The following KATNA1 variants were observed in gnomAD, a reference collection of about 807,000 sequenced individuals.
KATNA1 encodes katanin p60 ATPase-containing subunit A1.
In KATNA1, 42 loss-of-function variants were observed where a neutral mutation model predicts 62.6. That is an observed-to-expected ratio of 0.67 (90% CI 0.52 to 0.87). The LOEUF (loss-of-function observed/expected upper bound fraction) is 0.87. Among genes scored for constraint, KATNA1 ranks in the 40% least tolerant of loss-of-function variants. The pLI, the probability that KATNA1 is intolerant of heterozygous loss-of-function variation, is 0.00. For synonymous variants in KATNA1, 186 were observed against 201.9 expected (o/e 0.92, Z 0.67); for missense variants, 498 against 612.5 (o/e 0.81, Z 1.97).
At position 149,640,545 on chromosome 6, in the gene KATNA1, T is replaced by G. The variant is rs558861133; in HGVS notation, c.-13-1985A>C. Among the ~76,000 whole-genome samples, 205 of 152,068 alleles carry G rather than the reference T, an allele frequency of 1.3e-3. 1 individual carries two copies. Among genetic ancestry groups the G allele is most frequent in the African/African-American group, 3.7e-3 (155 of 41,468 alleles). On this transcript the variant is annotated intron_variant, in intron 1 of 10. Coordinates refer to ENST00000367411, the MANE Select transcript of KATNA1 (RefSeq NM_007044.4). ...TGGTGGGGGTTTTTTTGGGTTTTTT[T>G]GGGTTTTGTTTTTGTTTTTTTGAGA...
intron 7 of KATNA1, 112 bp downstream of exon 7, chr6:149,601,482 T>C (rs1002623603): frequency 4.1e-5 from 37 of 893,968 alleles, no homozygotes; most frequent in Non-Finnish European, 6.2e-5. Flanking sequence ...GGACTCATAC[T>C]CTGGGCAAAA....
At chr6:149,648,732 G>C (rs955824260), upstream of KATNA1, 2 of 152,204 alleles carry the variant, frequency 1.3e-5, no homozygotes, top group African/African-American at 2.4e-5. Context: ...GCGGGGCGTC[G>C]CCCCGGGAGC....
At chr6:149,604,122 AAAT>A (rs1242849734) in intron 5 of KATNA1, among the ~76,000 whole-genome samples, 2 of 152,180 alleles carry the variant, frequency 1.3e-5, no homozygotes, top group Admixed American at 6.6e-5. Flanking sequence ...CTCTAAAAGA[AAAT>A]AAAAGCAACA....
chr6:149,628,076 A>G (rs1473249153), intron 3 of KATNA1, among the ~76,000 whole-genome samples: 3 of 151,782 alleles, frequency 2.0e-5, no homozygotes, highest in Non-Finnish European at 2.9e-5. Context: ...CCTTTTCTAT[A>G]TAAGGCTTTA....
rs190657293 is a variant in KATNA1, at chr6:149,631,138, G to A, written c.320+1621C>T. Among the ~76,000 whole-genome samples, 956 of 152,242 alleles carry A rather than the reference G, an allele frequency of 6.3e-3. 3 individuals are homozygous for A. Among genetic ancestry groups the A allele is most frequent in the Non-Finnish European group, 0.011 (739 of 68,014 alleles). On this transcript the variant is annotated intron_variant, in intron 3 of 10. Transcript: ENST00000367411. Reference sequence around the variant, plus strand: ...AACCAGGCCGGGTGTGGTGGCTCACGCCTGTAATCCCAGCACTTTAGGAGG... The same window carrying A: ...AACCAGGCCGGGTGTGGTGGCTCACACCTGTAATCCCAGCACTTTAGGAGG...
At chr6:149,634,192 G>A (rs1779968537) in intron 2 of KATNA1, among the ~76,000 whole-genome samples, 1 of 151,252 alleles carries the variant, frequency 6.6e-6, no homozygotes, top group Non-Finnish European at 1.5e-5. Flanking sequence ...ACAATCGCTT[G>A]AACCCAGGAG....
chr6:149,623,169 G>A lies in KATNA1; in HGVS notation c.435C>T (p.His145=), dbSNP rs539786823. The part of the protein sequence containing the change: ...RVHRSSAQNV[H]NDRGKAVRCR... Reference sequence around the variant, plus strand: ...AACGAACAGCTTTCCCTCTGTCATTGTGAACATTCTGTGCAGATGAACGGT... The same window carrying A: ...AACGAACAGCTTTCCCTCTGTCATTATGAACATTCTGTGCAGATGAACGGT... The change falls in exon 4 of 11, where the codon CAC becomes CAT. Residue 145 remains histidine, a synonymous_variant. Transcript: ENST00000367411. The A allele has an allele frequency of 1.2e-6, 2 of 1,612,806 alleles. No homozygotes were observed. The highest frequency in any genetic ancestry group is 2.2e-5 in the South Asian group (2 of 90,806).
At chr6:149,626,504 G>A (rs1469271056) in intron 3 of KATNA1, among the ~76,000 whole-genome samples, 4 of 147,266 alleles carry the variant, frequency 2.7e-5, no homozygotes, top group South Asian at 2.2e-4. Context: ...CCGTGGTCTC[G>A]ATCTCCTGAC....
chr6:149,603,882 A>G (rs1778640223), intron 5 of KATNA1, among the ~76,000 whole-genome samples: 1 of 152,212 alleles, frequency 6.6e-6, no homozygotes. Context: ...TAGAATACCT[A>G]CTACTACTGC....
chr6:149,606,410 C>T (rs1260683429), intron 4 of KATNA1, among the ~76,000 whole-genome samples: 1 of 151,988 alleles, frequency 6.6e-6, no homozygotes, highest in African/African-American at 2.4e-5. Context: ...AGATTGTTAC[C>T]CAATTCCCAT....
intron 4 of KATNA1, among the ~76,000 whole-genome samples, chr6:149,611,462 C>CAA (rs1179618459): frequency 1.2e-4 from 4 of 34,742 alleles, no homozygotes; most frequent in Admixed American, 2.8e-4. Context: ...AACTCTGTCT[C>CAA]AAAAAAAAAA....
chr6:149,605,088 G>A (rs1387896598), intron 4 of KATNA1, among the ~76,000 whole-genome samples: 3 of 151,858 alleles, frequency 2.0e-5, no homozygotes, highest in African/African-American at 7.3e-5. Context: ...CAGGAGAACA[G>A]TGTGAACCCG....
chr6:149,609,315 A>G (rs2115095305), intron 4 of KATNA1, among the ~76,000 whole-genome samples: 1 of 152,332 alleles, frequency 6.6e-6, no homozygotes, highest in South Asian at 2.1e-4. Flanking sequence ...TTCAGATGAA[A>G]GCAGATTTCT....
intron 7 of KATNA1, among the ~76,000 whole-genome samples, chr6:149,600,335 C>CA (rs1419019058): frequency 2.0e-5 from 3 of 150,488 alleles, no homozygotes; most frequent in Admixed American, 6.6e-5. Context: ...TTCATCTCTA[C>CA]AAAAAAATCA....
At chr6:149,622,035 T>C (rs1421610560) in intron 4 of KATNA1, among the ~76,000 whole-genome samples, 2 of 152,138 alleles carry the variant, frequency 1.3e-5, no homozygotes, top group African/African-American at 4.8e-5. Flanking sequence ...TATGACATTA[T>C]TGGGATAATT....
chr6:149,643,692 T>G (rs1343735083), intron 1 of KATNA1, among the ~76,000 whole-genome samples: 1 of 151,728 alleles, frequency 6.6e-6, no homozygotes, highest in East Asian at 1.9e-4. Flanking sequence ...GTTGTCCTTT[T>G]TTTTTTTTTT....
At chr6:149,627,092 A>G (rs1282834793) in intron 3 of KATNA1, among the ~76,000 whole-genome samples, 1 of 151,752 alleles carries the variant, frequency 6.6e-6, no homozygotes, top group East Asian at 1.9e-4. Flanking sequence ...ATTAAGTGCT[A>G]TCAAGAAGAA....
chr6:149,621,527 C>G (rs1042348218), intron 4 of KATNA1, among the ~76,000 whole-genome samples: 15 of 150,936 alleles, frequency 9.9e-5, no homozygotes, highest in African/African-American at 3.4e-4. Context: ...GAGTCTCGCT[C>G]TGTTGGTCAG....
At chr6:149,635,871 A>G (rs1211206085) in intron 2 of KATNA1, among the ~76,000 whole-genome samples, 1 of 151,334 alleles carries the variant, frequency 6.6e-6, no homozygotes, top group Non-Finnish European at 1.5e-5. Context: ...AGCTGGCTAC[A>G]TGGTGAAACC....
Sources: allele counts gnomAD v4.1 joint callset (sites outside exome capture counted in the v4.1 genomes callset), GRCh38; gene constraint gnomAD v4.1.1; transcripts MANE v1.5; gene names NCBI Gene and HGNC (gene_info 2026-07-23, HGNC 2026-07-21).